The following MINK1 variants were observed in gnomAD, a reference collection of about 807,000 sequenced individuals.
MINK1 encodes misshapen-like kinase 1.
In MINK1, 46 loss-of-function variants were observed where a neutral mutation model predicts 178.4. That is an observed-to-expected ratio of 0.26 (90% CI 0.20 to 0.33). MINK1 has a LOEUF of 0.33. Ranked by LOEUF, MINK1 falls within the 10% of genes least tolerant of loss-of-function variation. The pLI is 1.00. For synonymous variants in MINK1, 797 were observed against 709.7 expected (o/e 1.12, Z -1.96); for missense variants, 1,366 against 1,814.9 (o/e 0.75, Z 4.49).
At chr17:4,891,402 G>T in intron 15 of MINK1, 54 bp from the exon 16 acceptor site, 1 of 1,510,154 alleles carries the variant, frequency 6.6e-7, no homozygotes, top group South Asian at 1.3e-5. Flanking sequence ...CCAATTCGCA[G>T]GTGGGGATGT....
chr17:4,895,578 C>A lies in MINK1; in HGVS notation c.3229+85C>A. ...CTTCTGCCTGGGAGGAGGGCAGGCA[C>A]TGGAAGGTGGGGCCACACTTTCTCA... On this transcript the variant is annotated intron_variant, in intron 26 of 31. Transcript: ENST00000355280. The surrounding 1 kb of genome is among the most constrained non-coding windows in gnomAD (Gnocchi z 4.3). 1 of 1,546,930 alleles carries A rather than the reference C, an allele frequency of 6.5e-7. No homozygotes were observed. The highest frequency in any genetic ancestry group is 1.2e-5 in the South Asian group (1 of 80,764).
intron 12 of MINK1, among the ~76,000 whole-genome samples, chr17:4,888,901 T>C (rs966091248): frequency 6.6e-6 from 1 of 152,008 alleles, no homozygotes; most frequent in Non-Finnish European, 1.5e-5. Context: ...GGTTTCTGCA[T>C]GTTGGTCAGG....
At chr17:4,891,305 G>A in intron 15 of MINK1, 151 bp from the exon 16 acceptor site, 2 of 1,241,278 alleles carry the variant, frequency 1.6e-6, no homozygotes, top group Non-Finnish European at 2.2e-6. Flanking sequence ...GCCTGTGTCT[G>A]TCCTGACTTA....
chr17:4,867,138 G>GTTTTT lies in MINK1; in HGVS notation c.58-11156_58-11152dup, dbSNP rs759995957. Among the ~76,000 whole-genome samples the GTTTTT allele has an allele frequency of 1.2e-4, 8 of 64,910 alleles. 1 individual carries two copies. The highest frequency in any genetic ancestry group is 5.2e-4 in the African/African-American group (8 of 15,398). The allele number at this position is 64,910 out of a possible 152,430, so 42.6% of individuals were successfully genotyped here. ...CACTATAGTAGGTGCTCTTAGGACT[G>GTTTTT]TTTTTTTTTTTTTTTTTTTTTTTTT... On this transcript the variant is annotated intron_variant, in intron 1 of 31. Transcript: ENST00000355280.
rs1969510674 is a variant in MINK1, at chr17:4,896,600, G to A, written c.3775+12G>A. 4 of 1,613,544 alleles carry A rather than the reference G, an allele frequency of 2.5e-6. No individual in the cohort carries two copies. Among genetic ancestry groups the A allele is most frequent in the African/African-American group, 1.3e-5 (1 of 75,030 alleles). ...GCCTACTTCTGTGGGTGAGTGAGCTGCCGCCCTCCCAGCCACATGCCCCGA... is the reference window on the plus strand; with the variant it reads ...GCCTACTTCTGTGGGTGAGTGAGCTACCGCCCTCCCAGCCACATGCCCCGA... On this transcript the variant is annotated intron_variant, in intron 30 of 31. Coordinates refer to ENST00000355280, the MANE Select transcript of MINK1 (RefSeq NM_153827.5). The surrounding 1 kb of genome is among the most constrained non-coding windows in gnomAD (Gnocchi z 4.6).
rs548820205 is a variant in MINK1 at position 4,891,860 on chromosome 17, G to A, written c.2001+144G>A. 55 of 1,237,890 alleles carry A rather than the reference G, an allele frequency of 4.4e-5. No homozygotes were observed. In the South Asian group the frequency reaches 5.5e-4, roughly 12 times the overall value. 76.7% of individuals were successfully genotyped at this position (1,237,890 alleles called of 1,614,324 possible). On this transcript the variant is annotated intron_variant, in intron 16 of 31. Transcript: ENST00000355280. ...GGGCGCTGCCCTGCCGGGGTCAGCCGTCCAGCTGAGGACGCGACGTGGAGG... is the reference window on the plus strand; with the variant it reads ...GGGCGCTGCCCTGCCGGGGTCAGCCATCCAGCTGAGGACGCGACGTGGAGG...
chr17:4,833,616 C>T lies in MINK1; in HGVS notation c.33C>T (p.Asp11=), dbSNP rs755682013. MGDPAPARSL[D]DIDLSALRDP... is the part of the protein sequence containing the mutation. ...ACCCAGCCCCCGCCCGCAGCCTGGACGACATCGACCTGTCCGCCCTGCGGG... is the reference window on the plus strand; with the variant it reads ...ACCCAGCCCCCGCCCGCAGCCTGGATGACATCGACCTGTCCGCCCTGCGGG... Residue 11 remains aspartate, a synonymous_variant, in exon 1 of 32, where the codon GAC becomes GAT. Transcript: ENST00000355280. The surrounding 1 kb of genome is among the most constrained non-coding windows in gnomAD (Gnocchi z 4.8). The T allele has an allele frequency of 4.0e-6, 6 of 1,500,854 alleles. No individual in the cohort carries two copies. Among genetic ancestry groups the T allele is most frequent in the Non-Finnish European group, 5.3e-6 (6 of 1,131,596 alleles). The allele number at this position is 1,500,854 out of a possible 1,614,324, so 93.0% of individuals were successfully genotyped here.
chr17:4,884,063 C>T (rs1163892399), intron 4 of MINK1, among the ~76,000 whole-genome samples: 2 of 142,808 alleles, frequency 1.4e-5, no homozygotes, highest in Admixed American at 1.4e-4. Flanking sequence ...GAGTCTTGCT[C>T]ACCATGTTGG....
In MINK1 at chr17:4,894,481, C is replaced by G. The variant is rs1448228395; in HGVS notation, c.2809-44C>G. The G allele has an allele frequency of 1.3e-6, 2 of 1,538,616 alleles. No individual in the cohort carries two copies. Among genetic ancestry groups the G allele is most frequent in the African/African-American group, 2.7e-5 (2 of 73,014 alleles). On this transcript the variant is annotated intron_variant, in intron 23 of 31. Coordinates refer to ENST00000355280, the MANE Select transcript of MINK1 (RefSeq NM_153827.5). The surrounding 1 kb of genome is among the most constrained non-coding windows in gnomAD (Gnocchi z 4.1). Reference sequence around the variant, plus strand: ...AACAGCAGCAGGGGCAGGGCCGCAGCTGGACTTGCACTTGTTTGCCTGACT... The same window carrying G: ...AACAGCAGCAGGGGCAGGGCCGCAGGTGGACTTGCACTTGTTTGCCTGACT...
chr17:4,845,113 A>C (rs1276597326), intron 1 of MINK1, among the ~76,000 whole-genome samples: 5 of 152,150 alleles, frequency 3.3e-5, no homozygotes, highest in Admixed American at 1.3e-4. Context: ...GCAGATGTTT[A>C]ATATTTGTTG....
intron 1 of MINK1, among the ~76,000 whole-genome samples, chr17:4,845,077 C>T (rs1910817969): frequency 6.6e-6 from 1 of 152,130 alleles, no homozygotes; most frequent in African/African-American, 2.4e-5. Flanking sequence ...TTTGTGTGTG[C>T]AGAGTTGAGC....
chr17:4,860,946 G>A (rs116002616), intron 1 of MINK1, among the ~76,000 whole-genome samples: 2,100 of 152,282 alleles, frequency 0.014, 41 homozygotes, highest in African/African-American at 0.047. Context: ...CAGAGTCTGA[G>A]GGGACAGCTC....
At chr17:4,866,823 C>T (rs1179887945) in intron 1 of MINK1, among the ~76,000 whole-genome samples, 4 of 151,702 alleles carry the variant, frequency 2.6e-5, no homozygotes, top group African/African-American at 9.7e-5. Context: ...CCTGGAATCC[C>T]AGCACTTCGG....
intron 2 of MINK1, among the ~76,000 whole-genome samples, chr17:4,878,919 G>T (rs1967438902): frequency 6.6e-6 from 1 of 152,252 alleles, no homozygotes; most frequent in African/African-American, 2.4e-5. Flanking sequence ...GTAGCTTTTA[G>T]GTTGGCCAGC....
rs377534728 is a variant in MINK1, at chr17:4,892,650, C to T, written c.2199-6C>T. 9 of 1,596,422 alleles carry T rather than the reference C, an allele frequency of 5.6e-6. No individual in the cohort carries two copies. In the South Asian group the frequency reaches 9.0e-5, roughly 16 times the overall value. On this transcript the variant is annotated splice_region_variant and splice_polypyrimidine_tract_variant and intron_variant, in intron 18 of 31. Coordinates refer to ENST00000355280, the MANE Select transcript of MINK1 (RefSeq NM_153827.5). ...CTCCCTGACCCTGACTCTGCCCCCC[C>T]AACAGTAACCCCGACCTCAGGAGGA...
rs756331351 is a variant in MINK1 at position 4,896,204 on chromosome 17, C to A, written c.3477C>A (p.Asp1159Glu). The change falls in exon 29 of 32, where the codon GAC becomes GAA. Residue 1159 changes from aspartate (D) to glutamate (E), a missense_variant. Around this residue, in one of 14 missense-constraint regions of MINK1, gnomAD observed 201 missense variants for 240.7 expected, o/e 0.84. Transcript: ENST00000355280. This position sits in a 1 kb window ranked among gnomAD's most constrained non-coding sequence, Gnocchi z 4.6. ...CCGGTTCTCTGCAGTCCTTTGCCGA[C>A]CTCCCCCACCGCCCTCTGCTGGTCG... ...HKFMAFKSFA[D>E]LPHRPLLVDL... is the part of the protein sequence containing the mutation. 14 of 1,597,142 alleles carry A rather than the reference C, an allele frequency of 8.8e-6. No individual in the cohort carries two copies. The Admixed American group carries it at 1.9e-4, about 22-fold the overall frequency.
At chr17:4,839,931 AT>A (rs1909915116) in intron 1 of MINK1, among the ~76,000 whole-genome samples, 2 of 137,624 alleles carry the variant, frequency 1.5e-5, no homozygotes, top group African/African-American at 5.7e-5. Context: ...TCAAGTAATT[AT>A]TTATTAATGT....
intron 1 of MINK1, among the ~76,000 whole-genome samples, chr17:4,843,352 C>T (rs369117822): frequency 3.9e-5 from 6 of 152,160 alleles, no homozygotes; most frequent in African/African-American, 1.2e-4. Flanking sequence ...GTGGGAGGCA[C>T]CTGTAATCCC....
In MINK1 at chr17:4,895,510, TGG is replaced by T; in HGVS notation, c.3229+21_3229+22del. On this transcript the variant is annotated intron_variant, in intron 26 of 31. Transcript: ENST00000355280. This position sits in a 1 kb window ranked among gnomAD's most constrained non-coding sequence, Gnocchi z 4.3. The stretch of plus-strand genomic sequence containing the variant: ...CCATCTCAGGTACAGGTGTGGTGAG[TGG>T]GGGAGGGAGGAGGGGCTCAGCTCCT... 6.4e-7 allele frequency: 1 copy of T among 1,559,448 alleles called. No individual in the cohort carries two copies. Among genetic ancestry groups the T allele is most frequent in the Non-Finnish European group, 8.7e-7 (1 of 1,148,902 alleles).
Sources: allele counts gnomAD v4.1 joint callset (sites outside exome capture counted in the v4.1 genomes callset), GRCh38; gene constraint gnomAD v4.1.1; regional missense constraint gnomAD v4.1.1; non-coding constraint Gnocchi (gnomAD v3.1); transcripts MANE v1.5; gene names NCBI Gene and HGNC (gene_info 2026-07-23, HGNC 2026-07-21).